The following KIAA1217 variants were observed in gnomAD, a reference collection of about 807,000 sequenced individuals.
KIAA1217 encodes KIAA1217.
Under a neutral mutation model 163.9 loss-of-function variants are expected in KIAA1217, and 88 were observed. The observed-to-expected ratio is 0.54, with a 90% CI of 0.45 to 0.64. The LOEUF (loss-of-function observed/expected upper bound fraction) is 0.64. Ranked by LOEUF, KIAA1217 falls within the 30% of genes least tolerant of loss-of-function variation. The pLI is 0.00. For synonymous variants in KIAA1217, 903 were observed against 923.1 expected, an observed-to-expected ratio of 0.98 and a Z score of 0.39; for missense variants, 2,372 against 2,475.0, an observed-to-expected ratio of 0.96 and a Z score of 0.88.
rs574503026 is a variant in KIAA1217, at chr10:23,894,368, C to A, written c.-320-112857C>A. On this transcript the variant is annotated intron_variant, in intron 1 of 18. Transcript: ENST00000376462. ...GCAACAGACAAACAGAGAGCCAAAT[C>A]ATGAGTGAACTCCCATTCACAATTG... Among the ~76,000 whole-genome samples the A allele has an allele frequency of 1.5e-3, 220 of 151,568 alleles. 2 individuals are homozygous for A. The highest frequency in any genetic ancestry group is 5.2e-3 in the African/African-American group (214 of 41,362).
chr10:23,790,435 A>ACATATATACATATATACATATG lies in KIAA1217; in HGVS notation c.-321+95220_-321+95221insATGCATATATACATATATACAT, dbSNP rs1835805449. 7.7e-5 allele frequency among the ~76,000 whole-genome samples: 7 copies of ACATATATACATATATACATATG among 90,658 alleles called. 1 individual carries two copies. The highest frequency in any genetic ancestry group is 3.1e-4 in the South Asian group (1 of 3,230). The allele number at this position is 90,658 out of a possible 152,430, so 59.5% of individuals were successfully genotyped here. A position where few individuals can be genotyped will look rare whatever the true frequency, so the allele number is the denominator to read the frequency against. On this transcript the variant is annotated intron_variant, in intron 1 of 18. Transcript: ENST00000376462. The stretch of plus-strand genomic sequence containing the variant: ...TATACATATATACATATATACATAT[A>ACATATATACATATATACATATG]CATATATACATATATACATGTGCAT...
chr10:24,493,436 G>A (rs1055149137), intron 6 of KIAA1217, among the ~76,000 whole-genome samples: 1 of 152,176 alleles, frequency 6.6e-6, no homozygotes, highest in Non-Finnish European at 1.5e-5. Flanking sequence ...GAATTCACAT[G>A]AGGTGACATG....
At chr10:24,146,909 G>C (rs1307278266) in intron 2 of KIAA1217, among the ~76,000 whole-genome samples, 3 of 151,034 alleles carry the variant, frequency 2.0e-5, no homozygotes, top group African/African-American at 7.3e-5. Flanking sequence ...TCCTTCCAGA[G>C]AGGTTTGAGC....
chr10:24,296,099 A>G (rs1031034069), intron 2 of KIAA1217, among the ~76,000 whole-genome samples: 1 of 151,644 alleles, frequency 6.6e-6, no homozygotes, highest in Non-Finnish European at 1.5e-5. Flanking sequence ...CAGAATTCAC[A>G]TTTTTTTTCT....
intron 6 of KIAA1217, among the ~76,000 whole-genome samples, chr10:24,485,089 CTT>C (rs71506835): frequency 2.1e-4 from 29 of 140,936 alleles, no homozygotes; most frequent in South Asian, 2.2e-4. Context: ...GACCTGCCCG[CTT>C]TTTTTTTTTT....
At chr10:24,227,031 T>C (rs886260436) in intron 2 of KIAA1217, among the ~76,000 whole-genome samples, 2 of 152,158 alleles carry the variant, frequency 1.3e-5, no homozygotes, top group Non-Finnish European at 2.9e-5. Flanking sequence ...GTGGTTTCAG[T>C]TAGTCTATGT....
At chr10:24,108,390 T>C (rs1490495892) in intron 2 of KIAA1217, among the ~76,000 whole-genome samples, 1 of 152,186 alleles carries the variant, frequency 6.6e-6, no homozygotes, top group Non-Finnish European at 1.5e-5. Flanking sequence ...GTATAGTAAA[T>C]AAGGGCTGGA....
chr10:24,366,636 C>T (rs2050822058), intron 2 of KIAA1217, among the ~76,000 whole-genome samples: 1 of 152,156 alleles, frequency 6.6e-6, no homozygotes, highest in Non-Finnish European at 1.5e-5. Flanking sequence ...GGTGTGCCCT[C>T]CTGCATGGCA....
At chr10:23,731,407 A>G (rs1838467841) in intron 1 of KIAA1217, among the ~76,000 whole-genome samples, 1 of 152,174 alleles carries the variant, frequency 6.6e-6, no homozygotes, top group Admixed American at 6.5e-5. Context: ...CAAAAGGTGA[A>G]CCAGAGGACA....
chr10:24,207,315 C>T (rs1324554719), upstream of KIAA1217, among the ~76,000 whole-genome samples: 1 of 148,188 alleles, frequency 6.7e-6, no homozygotes, highest in Non-Finnish European at 1.5e-5. Context: ...CACACACACA[C>T]ATACTTTTCT....
At chr10:23,917,485 C>G (rs973615613) in intron 1 of KIAA1217, among the ~76,000 whole-genome samples, 1 of 152,162 alleles carries the variant, frequency 6.6e-6, no homozygotes. Context: ...AATGGAGACT[C>G]TGGACTGATG....
Position 24,473,509 on chromosome 10 carries a change from T to C in KIAA1217, c.1128T>C (p.Asp376=), listed in dbSNP as rs1259408872. 6.2e-7 allele frequency: 1 copy of C among 1,614,158 alleles called. No individual in the cohort carries two copies. The highest frequency in any genetic ancestry group is 1.1e-5 in the South Asian group (1 of 91,082). ...AILERRDVKP[D]EDMSGKNIAM... is the part of the protein sequence containing the mutation. ...TAGAAAGAAGAGATGTCAAGCCTGA[T>C]GAAGACATGAGTGGCAAAAACATTG... Residue 376 remains aspartate, a synonymous_variant, in exon 6 of 21, where the codon GAT becomes GAC. Transcript: ENST00000376454.
At chr10:24,368,562 A>T (rs2051117552) in intron 2 of KIAA1217, among the ~76,000 whole-genome samples, 1 of 152,018 alleles carries the variant, frequency 6.6e-6, no homozygotes, top group Admixed American at 6.6e-5. Context: ...TTTTTCAGAG[A>T]TGGAATAGGA....
intron 1 of KIAA1217, among the ~76,000 whole-genome samples, chr10:23,935,303 A>T (rs1220846162): frequency 6.6e-6 from 1 of 152,232 alleles, no homozygotes; most frequent in Admixed American, 6.5e-5. Context: ...CTTCAGGTCA[A>T]TAAGAATGGA....
At chr10:23,736,737 G>C (rs996786410) in intron 1 of KIAA1217, among the ~76,000 whole-genome samples, 1 of 152,110 alleles carries the variant, frequency 6.6e-6, no homozygotes, top group African/African-American at 2.4e-5. Flanking sequence ...TGTTGCCCAG[G>C]CTGGTCTTGA....
Position 23,776,222 on chromosome 10 carries a change from G to A in KIAA1217, c.-321+80988G>A, listed in dbSNP as rs954188881. ...CCCCTGACAGTAAACCAAAGGATGA[G>A]TCTGATCCCTCAAGATTCTTCCCCA... On this transcript the variant is annotated intron_variant, in intron 1 of 18. Transcript: ENST00000376462. Among the ~76,000 whole-genome samples, 19 of 152,078 alleles carry A rather than the reference G, an allele frequency of 1.2e-4. 1 individual carries two copies. The highest frequency in any genetic ancestry group is 1.9e-4 in the East Asian group (1 of 5,194).
intron 10 of KIAA1217, among the ~76,000 whole-genome samples, chr10:24,514,991 C>CA (rs1390685732): frequency 6.6e-6 from 1 of 151,056 alleles, no homozygotes; most frequent in East Asian, 1.9e-4. Flanking sequence ...AACTCCGTCT[C>CA]AAAAAATAAT....
chr10:23,990,554 C>T (rs1245945429), intron 1 of KIAA1217, among the ~76,000 whole-genome samples: 1 of 152,064 alleles, frequency 6.6e-6, no homozygotes, highest in East Asian at 1.9e-4. Context: ...AATGATTAGT[C>T]ATATCTTTGG....
chr10:24,478,380 C>T (rs1032641286), intron 6 of KIAA1217, among the ~76,000 whole-genome samples: 1 of 152,010 alleles, frequency 6.6e-6, no homozygotes. Context: ...TTCTTTCTTT[C>T]TAAAGATGCT....
Sources: allele counts gnomAD v4.1 joint callset (sites outside exome capture counted in the v4.1 genomes callset), GRCh38; gene constraint gnomAD v4.1.1; transcripts MANE v1.5; gene names NCBI Gene and HGNC (gene_info 2026-07-23, HGNC 2026-07-21).